DMC1: variants seen among roughly 807,000 people sequenced by gnomAD.
The protein encoded by DMC1 is DNA meiotic recombinase 1.
A neutral mutation model predicts 50.1 loss-of-function variants in DMC1; 27 were observed. The ratio of observed to expected loss-of-function variants is 0.54; its 90% CI spans 0.40 to 0.74. The LOEUF is 0.74. Among genes scored for constraint, DMC1 ranks in the 30% least tolerant of loss-of-function variants. DMC1 has a pLI of 0.00. For missense variants in DMC1, 295 were observed against 420.2 expected, an observed-to-expected ratio of 0.70 and a Z score of 2.60; for synonymous variants, 148 against 136.1, an observed-to-expected ratio of 1.09 and a Z score of -0.61.
chr22:38,548,169 C>A (rs1282515783), intron 8 of DMC1, among the ~76,000 whole-genome samples: 1 of 152,206 alleles, frequency 6.6e-6, no homozygotes, highest in Admixed American at 6.5e-5. Context: ...TCTATAAGTT[C>A]TCTTTCCCCC....
chr22:38,560,233 A>G (rs2090512266), intron 5 of DMC1, among the ~76,000 whole-genome samples: 1 of 152,156 alleles, frequency 6.6e-6, no homozygotes, highest in African/African-American at 2.4e-5. Flanking sequence ...AAGAGATGAC[A>G]GCAAGCCATG....
intron 12 of DMC1, among the ~76,000 whole-genome samples, chr22:38,532,469 G>A (rs780330788): frequency 9.2e-5 from 14 of 151,450 alleles, no homozygotes; most frequent in Non-Finnish European, 1.3e-4. Context: ...TTACAGGCAC[G>A]CGCATTTACG....
chr22:38,513,386 A>G, the DMC1 span, among the ~76,000 whole-genome samples: 1 of 152,210 alleles, frequency 6.6e-6, no homozygotes, highest in South Asian at 2.1e-4. Flanking sequence ...TTGAAAGAAA[A>G]CAAGTGTTAT....
At chr22:38,533,121 G>A (rs1027119635) in intron 12 of DMC1, among the ~76,000 whole-genome samples, 2 of 151,854 alleles carry the variant, frequency 1.3e-5, no homozygotes, top group Non-Finnish European at 2.9e-5. Flanking sequence ...GGCCAGACGC[G>A]GTGGCTCATG....
chr22:38,553,859 T>A (rs1468448685), intron 6 of DMC1, among the ~76,000 whole-genome samples: 7 of 147,046 alleles, frequency 4.8e-5, no homozygotes, highest in Non-Finnish European at 8.9e-5. Flanking sequence ...CTTGGGAGGC[T>A]GAGGCAGAAT....
chr22:38,566,774 T>G, intron 3 of DMC1, 38 bp from the exon 4 acceptor site: 1 of 1,606,158 alleles, frequency 6.2e-7, no homozygotes, highest in Non-Finnish European at 8.5e-7. Flanking sequence ...ACTGATAAGA[T>G]GCCAGCCTGC....
downstream of DMC1, among the ~76,000 whole-genome samples, chr22:38,517,438 G>A (rs1292104255): frequency 6.6e-6 from 1 of 151,946 alleles, no homozygotes; most frequent in Non-Finnish European, 1.5e-5. Context: ...GCATTGTGGT[G>A]GGCGCCTGTA....
intron 5 of DMC1, among the ~76,000 whole-genome samples, chr22:38,561,310 G>C (rs2090525309): frequency 1.3e-5 from 2 of 152,002 alleles, no homozygotes; most frequent in South Asian, 4.2e-4. Flanking sequence ...ACCCGGCCAG[G>C]TGATATGTCT....
chr22:38,538,023 A>T (rs1285604894), intron 11 of DMC1, among the ~76,000 whole-genome samples: 2 of 152,068 alleles, frequency 1.3e-5, no homozygotes, highest in African/African-American at 2.4e-5. Context: ...AGGTGCCTGT[A>T]ATTCCAGCTA....
At chr22:38,567,528 G>A (rs2090592696) in intron 3 of DMC1, 55 bp downstream of exon 3, 12 of 1,394,828 alleles carry the variant, frequency 8.6e-6, no homozygotes, top group Non-Finnish European at 1.2e-5. Flanking sequence ...CCATAAGGTT[G>A]ATGCTGAGAA....
At chr22:38,529,177 A>T (rs2090128944) in intron 12 of DMC1, among the ~76,000 whole-genome samples, 1 of 151,704 alleles carries the variant, frequency 6.6e-6, no homozygotes, top group South Asian at 2.1e-4. Context: ...TGCCCTGCTA[A>T]TTTTTGTATT....
At chr22:38,512,692 C>T in the DMC1 span, among the ~76,000 whole-genome samples, 123 of 152,262 alleles carry the variant, frequency 8.1e-4, 1 homozygote, top group African/African-American at 2.9e-3. Context: ...TCCCTGAAGG[C>T]GGCACTTGAG....
chr22:38,565,677 A>G (rs560862584), intron 4 of DMC1, among the ~76,000 whole-genome samples: 1 of 152,336 alleles, frequency 6.6e-6, no homozygotes, highest in East Asian at 1.9e-4. Flanking sequence ...GGCAAAGCCA[A>G]GAACCCTCCC....
At chr22:38,526,446 G>T (rs2090090244) in intron 12 of DMC1, among the ~76,000 whole-genome samples, 1 of 151,870 alleles carries the variant, frequency 6.6e-6, no homozygotes, top group Admixed American at 6.6e-5. Context: ...CTGACCTCAT[G>T]ATCTGCCCAC....
the DMC1 span, among the ~76,000 whole-genome samples, chr22:38,511,944 C>CT: frequency 3.3e-5 from 5 of 151,328 alleles, no homozygotes; most frequent in South Asian, 4.2e-4. Context: ...GCTTTTCCTT[C>CT]TTTTTTTTTC....
the DMC1 span, among the ~76,000 whole-genome samples, chr22:38,510,351 A>T: frequency 2.6e-5 from 4 of 152,136 alleles, no homozygotes; most frequent in African/African-American, 4.8e-5. Context: ...GCTACTCGAG[A>T]GCCTGAGGCA....
At chr22:38,546,198 C>G (rs2090342589) in intron 8 of DMC1, 1 of 152,200 alleles carries the variant, frequency 6.6e-6, no homozygotes, top group Non-Finnish European at 1.5e-5. Flanking sequence ...CGAGACCAGC[C>G]CGACCAACAT....
intron 13 of DMC1, among the ~76,000 whole-genome samples, chr22:38,521,063 G>A (rs370400232): frequency 4.6e-5 from 7 of 152,062 alleles, no homozygotes; most frequent in African/African-American, 9.7e-5. Flanking sequence ...AATTAAACAC[G>A]TAAAGTGCTG....
At chr22:38,516,339 CCT>C (rs2089976370), downstream of DMC1, among the ~76,000 whole-genome samples, 1 of 152,088 alleles carries the variant, frequency 6.6e-6, no homozygotes, top group East Asian at 1.9e-4. Context: ...TGTTTTGGGC[CCT>C]GTTTTCCAAC....
Sources: gnomAD v4.1 joint callset for allele counts (sites outside exome capture counted in the v4.1 genomes callset) on GRCh38, gnomAD v4.1.1 for gene constraint, MANE v1.5 for transcripts, NCBI Gene and HGNC (gene_info 2026-07-23, HGNC 2026-07-21) for gene names.